The following ATP6V0A4 variants were observed in gnomAD, a reference collection of about 807,000 sequenced individuals.
ATP6V0A4 encodes the protein ATPase H+ transporting V0 subunit a4.
ATP6V0A4 carries 86 observed loss-of-function variants against 107.3 expected under a neutral mutation model. The ratio of observed to expected loss-of-function variants is 0.80; its 90% CI spans 0.67 to 0.96. The LOEUF is 0.96. Ranked by LOEUF, ATP6V0A4 falls within the 40% of genes least tolerant of loss-of-function variation. The probability of loss-of-function intolerance (pLI) is 0.00; values close to 1 mark genes in which losing one functional copy is unlikely to be tolerated. For synonymous variants in ATP6V0A4, 353 were observed against 381.4 expected, an observed-to-expected ratio of 0.93 and a Z score of 0.87; for missense variants, 908 against 1,045.6, an observed-to-expected ratio of 0.87 and a Z score of 1.81.
intron 18 of ATP6V0A4, among the ~76,000 whole-genome samples, chr7:138,722,849 A>G (rs1035332875): frequency 5.3e-5 from 8 of 151,084 alleles, no homozygotes; most frequent in Admixed American, 1.3e-4. Context: ...GCCTGAGGCC[A>G]AGAGTTCAAG....
chr7:138,792,775 TTTGTTGTTTTG>T lies in ATP6V0A4; in HGVS notation c.-121+5248_-121+5258del, dbSNP rs1290382008. ...CACCAAACTCAGGTTTGTTTTTTTTTTTGTTGTTTTGTTTTTTTTTTTGTAGCAACAGAGTT... is the reference window on the plus strand; with the variant it reads ...CACCAAACTCAGGTTTGTTTTTTTTTTTTTTTTTTTTGTAGCAACAGAGTT... On this transcript the variant is annotated intron_variant, in intron 1 of 21. Coordinates refer to ENST00000310018, the MANE Select transcript of ATP6V0A4 (RefSeq NM_020632.3). Among the ~76,000 whole-genome samples the T allele has an allele frequency of 7.7e-4, 27 of 35,044 alleles. 1 individual carries two copies. Among genetic ancestry groups the T allele is most frequent in the African/African-American group, 1.7e-3 (14 of 8,472 alleles). 23.0% of individuals were successfully genotyped at this position (35,044 alleles called of 152,430 possible).
rs368490212 is a variant in ATP6V0A4 at position 138,781,293 on chromosome 7, G to A, written c.-18+4865C>T. On this transcript the variant is annotated intron_variant, in intron 2 of 21. Transcript: ENST00000310018. Reference sequence around the variant, plus strand: ...TATACAAAAACTTAATTCCAGGAAAGCTTTTTTTGGTTGATTCTTTCAGAT... The same window carrying A: ...TATACAAAAACTTAATTCCAGGAAAACTTTTTTTGGTTGATTCTTTCAGAT... Among the ~76,000 whole-genome samples, 293 of 152,012 alleles carry A rather than the reference G, an allele frequency of 1.9e-3. 3 individuals are homozygous for A. The South Asian group carries it at 0.034, about 18-fold the overall frequency.
chr7:138,728,359 T>C (rs909607582), intron 18 of ATP6V0A4, among the ~76,000 whole-genome samples: 11 of 152,130 alleles, frequency 7.2e-5, no homozygotes, highest in Admixed American at 5.9e-4. Context: ...CCCAAGTAGT[T>C]GGGATTACAG....
chr7:138,716,724 TGGC>T (rs1284508845), intron 19 of ATP6V0A4, among the ~76,000 whole-genome samples: 1 of 152,090 alleles, frequency 6.6e-6, no homozygotes, highest in African/African-American at 2.4e-5. Flanking sequence ...TCACCATACC[TGGC>T]TAATTTTTGT....
At chr7:138,726,097 C>T (rs1804703243) in intron 18 of ATP6V0A4, among the ~76,000 whole-genome samples, 1 of 152,128 alleles carries the variant, frequency 6.6e-6, no homozygotes, top group Admixed American at 6.6e-5. Flanking sequence ...TCAGGCCATT[C>T]TCCTGCCTCA....
At chr7:138,749,349 AAGG>A (rs750591920) in intron 11 of ATP6V0A4, 32 bp from the exon 12 acceptor site, 10 of 1,605,890 alleles carry the variant, frequency 6.2e-6, no homozygotes, top group African/African-American at 5.4e-5. Context: ...ACAAAGATGT[AAGG>A]AGAAGAGTCT....
intron 1 of ATP6V0A4, among the ~76,000 whole-genome samples, chr7:138,797,312 G>T (rs3823488): frequency 6.6e-6 from 1 of 150,750 alleles, no homozygotes; most frequent in Non-Finnish European, 1.5e-5. Context: ...CTGTCTTCCG[G>T]GTTCAAGCGA....
rs551286074 is a variant in ATP6V0A4, at chr7:138,750,485, C to T, written c.1030-1168G>A. Among the ~76,000 whole-genome samples the T allele has an allele frequency of 5.9e-5, 9 of 152,248 alleles. No homozygotes were observed. The South Asian group carries it at 8.3e-4, about 14-fold the overall frequency. On this transcript the variant is annotated intron_variant, in intron 11 of 21. Coordinates refer to ENST00000310018, the MANE Select transcript of ATP6V0A4 (RefSeq NM_020632.3). ...CCTCCCAAAGTGCTGGTATTACAGG[C>T]GTGAGCCACTGCATCCATTCTACCT...
intron 1 of ATP6V0A4, among the ~76,000 whole-genome samples, chr7:138,790,803 C>T (rs1008234234): frequency 1.3e-5 from 2 of 152,172 alleles, no homozygotes; most frequent in Admixed American, 6.5e-5. Flanking sequence ...CGTCTCAATT[C>T]CTGAGACCGG....
chr7:138,756,055 TG>T (rs943070457), intron 9 of ATP6V0A4: 2 of 574,484 alleles, frequency 3.5e-6, no homozygotes, highest in African/African-American at 3.8e-5. Flanking sequence ...GACTGCAAGC[TG>T]GGCTTGCCCC....
intron 14 of ATP6V0A4, among the ~76,000 whole-genome samples, chr7:138,740,685 G>T (rs544700486): frequency 1.3e-5 from 2 of 151,306 alleles, no homozygotes; most frequent in African/African-American, 4.9e-5. Flanking sequence ...CAAGTGATCC[G>T]CCTGCCTCGG....
intron 1 of ATP6V0A4, among the ~76,000 whole-genome samples, chr7:138,797,208 CTT>C (rs3842142): frequency 9.1e-4 from 87 of 96,098 alleles, no homozygotes; most frequent in African/African-American, 3.3e-3. Flanking sequence ...ATGCCATTTT[CTT>C]TTTTTTTTTT....
chr7:138,712,181 C>G (rs1803780367), intron 20 of ATP6V0A4, among the ~76,000 whole-genome samples: 2 of 152,288 alleles, frequency 1.3e-5, no homozygotes, highest in African/African-American at 4.8e-5. Flanking sequence ...ATCCCCCCAC[C>G]ACCTTGGCCT....
At chr7:138,782,849 T>G (rs961336328) in intron 2 of ATP6V0A4, among the ~76,000 whole-genome samples, 1 of 152,050 alleles carries the variant, frequency 6.6e-6, no homozygotes, top group Non-Finnish European at 1.5e-5. Context: ...CCGAGGCAGT[T>G]GGATCGCCTG....
intron 13 of ATP6V0A4, among the ~76,000 whole-genome samples, chr7:138,746,436 A>G (rs1805953954): frequency 6.6e-6 from 1 of 152,148 alleles, no homozygotes; most frequent in South Asian, 2.1e-4. Flanking sequence ...TCACAGGTTG[A>G]TTCTGCTCAC....
intron 21 of ATP6V0A4, among the ~76,000 whole-genome samples, chr7:138,708,831 T>C (rs1803583107): frequency 6.6e-6 from 1 of 152,030 alleles, no homozygotes; most frequent in Admixed American, 6.6e-5. Flanking sequence ...CCCAGCACTT[T>C]GGGAGGCTGA....
At chr7:138,788,164 G>T (rs1424496919) in intron 1 of ATP6V0A4, among the ~76,000 whole-genome samples, 1 of 152,164 alleles carries the variant, frequency 6.6e-6, no homozygotes, top group Non-Finnish European at 1.5e-5. Flanking sequence ...AACTGGAGAA[G>T]AAAAATTGGC....
At chr7:138,715,709 AT>A in intron 20 of ATP6V0A4, 54 bp downstream of exon 20, 1 of 1,588,116 alleles carries the variant, frequency 6.3e-7, no homozygotes, top group South Asian at 1.1e-5. Context: ...CATGGCACCT[AT>A]TTCCTGGGGT....
intron 20 of ATP6V0A4, among the ~76,000 whole-genome samples, chr7:138,712,837 G>A (rs1803814983): frequency 6.6e-6 from 1 of 152,034 alleles, no homozygotes; most frequent in Non-Finnish European, 1.5e-5. Flanking sequence ...TCTAGACTCA[G>A]CCCTATTATG....
Sources: allele counts gnomAD v4.1 joint callset (sites outside exome capture counted in the v4.1 genomes callset), GRCh38; gene constraint gnomAD v4.1.1; transcripts MANE v1.5; gene names NCBI Gene and HGNC (gene_info 2026-07-23, HGNC 2026-07-21).